PPP2R3A: variants seen among roughly 807,000 people sequenced by gnomAD.
The protein encoded by PPP2R3A is protein phosphatase 2 regulatory subunit B''alpha.
In PPP2R3A, 80 loss-of-function variants were observed where a neutral mutation model predicts 106.9. That is an observed-to-expected ratio of 0.75 (90% confidence interval 0.62 to 0.90). The LOEUF (loss-of-function observed/expected upper bound fraction) is 0.90, where lower values mean the gene tolerates loss of function less well. PPP2R3A is among the 40% of genes least tolerant of loss of function. The pLI, the probability that PPP2R3A is intolerant of heterozygous loss-of-function variation, is 0.00. For synonymous variants in PPP2R3A, 483 were observed against 468.3 expected (o/e 1.03, Z -0.41); for missense variants, 1,386 against 1,350.4 (o/e 1.03, Z -0.41).
At chr3:136,065,984 T>C (rs904817432) in intron 5 of PPP2R3A, among the ~76,000 whole-genome samples, 4 of 152,164 alleles carry the variant, frequency 2.6e-5, no homozygotes, top group Non-Finnish European at 5.9e-5. Flanking sequence ...GAAGAAACTT[T>C]TAAAATCAGA....
chr3:136,056,337 AAAT>A (rs1332833724), intron 5 of PPP2R3A, among the ~76,000 whole-genome samples: 2 of 152,216 alleles, frequency 1.3e-5, no homozygotes, highest in African/African-American at 4.8e-5. Flanking sequence ...TGGACTTTAA[AAAT>A]AATGTGTCAA....
Position 136,001,301 on chromosome 3 carries a change from G to A in PPP2R3A, c.-198G>A. Reference sequence around the variant, plus strand: ...TTAAATTATTAAATTTGCCACACATGTGCAGCAGCTACTGTATCCTGATAG... The same window carrying A: ...TTAAATTATTAAATTTGCCACACATATGCAGCAGCTACTGTATCCTGATAG... On this transcript the variant is annotated 5_prime_UTR_variant, in exon 2 of 14. It adds an upstream start codon to the 5' untranslated region. Transcript: ENST00000264977. 2 of 502,400 alleles carry A rather than the reference G, an allele frequency of 4.0e-6. No homozygotes were observed. The highest frequency in any genetic ancestry group is 7.3e-5 in the Admixed American group (2 of 27,258). 31.1% of individuals were successfully genotyped at this position (502,400 alleles called of 1,614,324 possible).
intron 13 of PPP2R3A, among the ~76,000 whole-genome samples, chr3:136,130,691 T>C (rs976562599): frequency 2.0e-5 from 3 of 152,098 alleles, no homozygotes; most frequent in Non-Finnish European, 4.4e-5. Flanking sequence ...AAAAAGAGCC[T>C]GCATTGCCAA....
At chr3:136,010,417 ATTTTTTTTTTTT>A (rs56962010) in intron 2 of PPP2R3A, among the ~76,000 whole-genome samples, 3 of 51,006 alleles carry the variant, frequency 5.9e-5, no homozygotes, top group Non-Finnish European at 1.1e-4. Flanking sequence ...CGCTCGGCTA[ATTTTTTTTTTTT>A]TTTTTTTTTT....
chr3:135,983,566 T>C (rs1049449447), intron 1 of PPP2R3A, among the ~76,000 whole-genome samples: 3 of 152,232 alleles, frequency 2.0e-5, no homozygotes, highest in Non-Finnish European at 2.9e-5. Context: ...CTAAATCAAA[T>C]CCTACGTTTT....
At chr3:136,007,281 A>G (rs1315095250) in intron 2 of PPP2R3A, among the ~76,000 whole-genome samples, 3 of 152,214 alleles carry the variant, frequency 2.0e-5, no homozygotes. Context: ...GAGTAAGTGG[A>G]TGAATAACCA....
At chr3:136,110,020 G>A (rs1174575240) in intron 13 of PPP2R3A, among the ~76,000 whole-genome samples, 2 of 152,032 alleles carry the variant, frequency 1.3e-5, no homozygotes, top group African/African-American at 4.8e-5. Context: ...CAAAAGCCCT[G>A]ACTATGGAGC....
chr3:136,106,345 T>C lies in PPP2R3A; in HGVS notation c.3329+23T>C, dbSNP rs989182695. 4 of 1,598,344 alleles carry C rather than the reference T, an allele frequency of 2.5e-6. No homozygotes were observed. In the African/African-American group the frequency reaches 5.4e-5, roughly 21 times the overall value. On this transcript the variant is annotated intron_variant, in intron 13 of 13. Transcript: ENST00000264977. ...AGGGTGAGTAAGTTTCCCTATGTCT[T>C]ATAGAATTTTTAACAGGAATGCGCA...
chr3:136,057,872 T>C (rs1935928558), intron 5 of PPP2R3A, among the ~76,000 whole-genome samples: 1 of 152,128 alleles, frequency 6.6e-6, no homozygotes, highest in Admixed American at 6.5e-5. Flanking sequence ...GTATAGCCAT[T>C]ATGAAGAACA....
At chr3:136,047,625 G>T (rs1193136863) in intron 4 of PPP2R3A, among the ~76,000 whole-genome samples, 2 of 152,204 alleles carry the variant, frequency 1.3e-5, no homozygotes, top group African/African-American at 4.8e-5. Flanking sequence ...GAACAGGCCG[G>T]GCGTGGTGGC....
chr3:136,057,481 T>C (rs1935909495), intron 5 of PPP2R3A, among the ~76,000 whole-genome samples: 2 of 151,920 alleles, frequency 1.3e-5, no homozygotes, highest in African/African-American at 4.8e-5. Flanking sequence ...AGAAAGTAGA[T>C]TGGTGGTTAA....
intron 1 of PPP2R3A, among the ~76,000 whole-genome samples, chr3:135,968,005 G>C (rs192244635): frequency 6.6e-6 from 1 of 152,172 alleles, no homozygotes; most frequent in African/African-American, 2.4e-5. Flanking sequence ...CCCCCAGGAG[G>C]ACCAAAATCA....
chr3:136,014,161 T>C (rs1934192580), intron 2 of PPP2R3A, among the ~76,000 whole-genome samples: 1 of 152,188 alleles, frequency 6.6e-6, no homozygotes, highest in Non-Finnish European at 1.5e-5. Context: ...AGTATTTGGC[T>C]TTATTTCTGG....
chr3:136,020,261 G>A (rs1026707724), intron 2 of PPP2R3A, among the ~76,000 whole-genome samples: 3 of 152,058 alleles, frequency 2.0e-5, no homozygotes, highest in Non-Finnish European at 4.4e-5. Context: ...ATATGTGTGT[G>A]TACTATAAAA....
chr3:136,068,662 A>G (rs1010120289), intron 5 of PPP2R3A, among the ~76,000 whole-genome samples: 1 of 152,268 alleles, frequency 6.6e-6, no homozygotes, highest in South Asian at 2.1e-4. Context: ...TAATCTAACA[A>G]TAGATGCTAA....
intron 13 of PPP2R3A, among the ~76,000 whole-genome samples, chr3:136,135,011 A>T (rs1380287429): frequency 6.6e-6 from 1 of 152,192 alleles, no homozygotes; most frequent in African/African-American, 2.4e-5. Flanking sequence ...TGAAAAGAGA[A>T]ACTAGTGGCA....
rs377223339 is a variant in PPP2R3A at position 136,002,182 on chromosome 3, C to T, written c.684C>T (p.Asp228=). The change falls in exon 2 of 14, where the codon GAC becomes GAT. Residue 228 remains aspartate, a synonymous_variant. Transcript: ENST00000264977. ...TAGATAATTTTTCTTCTGGGACAGA[C>T]ATAAAGATGTGCTTGGACATCTTAT... The part of the protein sequence containing the change: ...HKIDNFSSGT[D]IKMCLDILLK... The T allele has an allele frequency of 1.9e-6, 3 of 1,613,472 alleles. No homozygotes were observed. The highest frequency in any genetic ancestry group is 2.5e-6 in the Non-Finnish European group (3 of 1,179,734).
Position 136,078,981 on chromosome 3 carries a change from G to A in PPP2R3A, c.2631+528G>A, listed in dbSNP as rs77654882. On this transcript the variant is annotated intron_variant, in intron 7 of 13. Coordinates refer to ENST00000264977, the MANE Select transcript of PPP2R3A (RefSeq NM_002718.5). ...TGACCACTAGTGGGAGCCTTTTACC[G>A]AAGTAATCTTCATGCCTGATTGTTT... 7.7e-4 allele frequency among the ~76,000 whole-genome samples: 117 copies of A among 152,262 alleles called. 1 individual carries two copies. The South Asian group carries it at 0.021, about 28-fold the overall frequency.
chr3:135,999,688 C>T (rs963374926), intron 1 of PPP2R3A, among the ~76,000 whole-genome samples: 2 of 152,096 alleles, frequency 1.3e-5, no homozygotes, highest in African/African-American at 2.4e-5. Context: ...GTGATTCGTT[C>T]TTTTAAGTCT....
Sources: allele counts gnomAD v4.1 joint callset (sites outside exome capture counted in the v4.1 genomes callset), GRCh38; gene constraint gnomAD v4.1.1; transcripts MANE v1.5; gene names NCBI Gene and HGNC (gene_info 2026-07-23, HGNC 2026-07-21).